Variants in GOLM2 observed in about 807,000 individuals in gnomAD.
GOLM2 encodes the protein golgi membrane protein 2, also known as protein GOLM2.
A neutral mutation model predicts 55.9 loss-of-function variants in GOLM2; 26 were observed. The ratio of observed to expected loss-of-function variants is 0.47; its 90% confidence interval spans 0.34 to 0.65. The LOEUF is 0.65. Ranked by LOEUF, GOLM2 falls within the 30% of genes least tolerant of loss-of-function variation. The pLI is 0.01. For missense variants in GOLM2, 486 were observed against 531.8 expected, an observed-to-expected ratio of 0.91 and a Z score of 0.85; for synonymous variants, 165 against 194.6, an observed-to-expected ratio of 0.85 and a Z score of 1.27.
chr15:44,397,418 G>A (rs1416751878), intron 8 of GOLM2, among the ~76,000 whole-genome samples: 1 of 145,556 alleles, frequency 6.9e-6, no homozygotes, highest in Non-Finnish European at 1.5e-5. Context: ...GGCGGAGCTT[G>A]CAGTGAGCTG....
chr15:44,356,879 A>G (rs1166470031), intron 6 of GOLM2, among the ~76,000 whole-genome samples: 1 of 152,170 alleles, frequency 6.6e-6, no homozygotes, highest in East Asian at 1.9e-4. Context: ...CAATGTATAC[A>G]AGAATTATAG....
chr15:44,392,241 A>T (rs1421815809), intron 8 of GOLM2, among the ~76,000 whole-genome samples: 2 of 152,186 alleles, frequency 1.3e-5, no homozygotes, highest in Non-Finnish European at 2.9e-5. Context: ...AACCCATTTT[A>T]TGAGACCAGC....
Position 44,404,545 on chromosome 15 carries a change from C to T in GOLM2, c.1240+1491C>T, listed in dbSNP as rs1202381851. Among the ~76,000 whole-genome samples the T allele has an allele frequency of 4.0e-5, 6 of 151,894 alleles. No individual in the cohort carries two copies. In the South Asian group the frequency reaches 1.2e-3, roughly 32 times the overall value. On this transcript the variant is annotated intron_variant, in intron 9 of 9. Coordinates refer to ENST00000299957, the MANE Select transcript of GOLM2 (RefSeq NM_138423.4). The stretch of plus-strand genomic sequence containing the variant: ...TATGTACTTTTTCTATAATCTCATC[C>T]TTTTTTCATAAATTTTATCATTTTT...
intron 6 of GOLM2, among the ~76,000 whole-genome samples, chr15:44,356,005 G>A (rs1692937325): frequency 6.6e-6 from 1 of 152,062 alleles, no homozygotes; most frequent in Admixed American, 6.5e-5. Context: ...GAAATCTCAG[G>A]AGAAATTTAA....
chr15:44,295,447 C>A (rs1160167780), intron 1 of GOLM2, among the ~76,000 whole-genome samples: 1 of 152,180 alleles, frequency 6.6e-6, no homozygotes, highest in Non-Finnish European at 1.5e-5. Flanking sequence ...GAGAAACAAC[C>A]CCCACTTCTC....
rs770344326 is a variant in GOLM2 at position 44,403,131 on chromosome 15, T to A, written c.1240+77T>A. ...TTTTTGGTTGAATTTGTGTAGAATT[T>A]CCCCCACTTATTAGTGGCAGTGTAA... On this transcript the variant is annotated intron_variant, in intron 9 of 9. Transcript: ENST00000299957. 11 of 1,548,252 alleles carry A rather than the reference T, an allele frequency of 7.1e-6. No individual in the cohort carries two copies. The East Asian group carries it at 2.5e-4, about 35-fold the overall frequency.
intron 6 of GOLM2, among the ~76,000 whole-genome samples, chr15:44,366,188 T>G (rs1453919766): frequency 1.3e-5 from 2 of 151,474 alleles, no homozygotes; most frequent in African/African-American, 4.9e-5. Context: ...TCCCAGCTAC[T>G]TGGGAGACTG....
rs553292738 is a variant in GOLM2 at position 44,330,064 on chromosome 15, C to G, written c.485+1277C>G. 1.9e-3 allele frequency among the ~76,000 whole-genome samples: 288 copies of G among 151,200 alleles called. 1 individual carries two copies. Among genetic ancestry groups the G allele is most frequent in the African/African-American group, 6.7e-3 (279 of 41,348 alleles). ...TAGCTGGGACCACAGGTGCCCGCCA[C>G]CACGCCCGGCTAATTTTTTGTATTT... is the stretch of plus-strand genomic sequence containing the variant. On this transcript the variant is annotated intron_variant, in intron 3 of 9. Coordinates refer to ENST00000299957, the MANE Select transcript of GOLM2 (RefSeq NM_138423.4).
intron 1 of GOLM2, among the ~76,000 whole-genome samples, chr15:44,320,652 G>A (rs1238639656): frequency 6.6e-6 from 1 of 152,026 alleles, no homozygotes; most frequent in East Asian, 1.9e-4. Flanking sequence ...AGGACTCGGG[G>A]GGGTGAAAAA....
chr15:44,288,741 T>G lies in GOLM2; in HGVS notation c.-289T>G. 27 of 416,928 alleles carry G rather than the reference T, an allele frequency of 6.5e-5. No individual in the cohort carries two copies. Among genetic ancestry groups the G allele is most frequent in the Admixed American group, 8.5e-5 (2 of 23,464 alleles). 25.8% of individuals were successfully genotyped at this position (416,928 alleles called of 1,614,324 possible). A position where few individuals can be genotyped will look rare whatever the true frequency, so the allele number is the denominator to read the frequency against. ...TTCCCCGCCTCCCAACCGTGAGGTG[T>G]TGGGTTTGGGGGACGCTGGCAGCTG... On this transcript the variant is annotated 5_prime_UTR_variant, in exon 1 of 10. Coordinates refer to ENST00000299957, the MANE Select transcript of GOLM2 (RefSeq NM_138423.4).
chr15:44,290,160 A>G (rs2078710448), intron 1 of GOLM2, among the ~76,000 whole-genome samples: 1 of 152,230 alleles, frequency 6.6e-6, no homozygotes, highest in African/African-American at 2.4e-5. Context: ...TTTAAATATA[A>G]AAAGTTTAAA....
intron 6 of GOLM2, among the ~76,000 whole-genome samples, chr15:44,350,527 G>A (rs1363379670): frequency 1.3e-5 from 2 of 152,102 alleles, no homozygotes; most frequent in African/African-American, 4.8e-5. Flanking sequence ...CTTCACTGTT[G>A]AACTCTACCA....
chr15:44,315,185 T>G (rs2078901119), intron 1 of GOLM2, among the ~76,000 whole-genome samples: 1 of 152,222 alleles, frequency 6.6e-6, no homozygotes, highest in South Asian at 2.1e-4. Context: ...TTGGCAGTTA[T>G]GTTACAGAAG....
intron 6 of GOLM2, among the ~76,000 whole-genome samples, chr15:44,343,326 A>T (rs1158316884): frequency 6.6e-6 from 1 of 151,978 alleles, no homozygotes; most frequent in Non-Finnish European, 1.5e-5. Flanking sequence ...GAAAAAAAAA[A>T]AAAAACCAAC....
intron 6 of GOLM2, among the ~76,000 whole-genome samples, chr15:44,372,889 G>A (rs1374172624): frequency 6.6e-6 from 1 of 151,792 alleles, no homozygotes; most frequent in African/African-American, 2.4e-5. Context: ...GTACTTGCTC[G>A]TCTTTGTTTG....
intron 8 of GOLM2, among the ~76,000 whole-genome samples, chr15:44,401,063 A>AT (rs982592343): frequency 2.0e-5 from 3 of 151,826 alleles, no homozygotes; most frequent in Non-Finnish European, 2.9e-5. Context: ...GAAGCTGTTT[A>AT]TTTTTTTTCC....
At chr15:44,325,881 T>C (rs1567025859) in intron 2 of GOLM2, among the ~76,000 whole-genome samples, 2 of 152,176 alleles carry the variant, frequency 1.3e-5, no homozygotes, top group South Asian at 2.1e-4. Context: ...GGGTTTTTTA[T>C]GGCTACCTGG....
chr15:44,316,423 T>C (rs1038532421), intron 1 of GOLM2, among the ~76,000 whole-genome samples: 2 of 152,094 alleles, frequency 1.3e-5, no homozygotes, highest in Admixed American at 6.5e-5. Context: ...GGTGGAGATA[T>C]TAAATGAAGG....
chr15:44,339,333 A>T lies in GOLM2; in HGVS notation c.802+1016A>T, dbSNP rs189261021. Among the ~76,000 whole-genome samples the T allele has an allele frequency of 1.3e-3, 204 of 152,240 alleles. 1 individual carries two copies. The highest frequency in any genetic ancestry group is 4.7e-3 in the African/African-American group (195 of 41,550). ...CAATGAAGTAATCCAGTGATTTTTT[A>T]AAATTAATTAATTAATTAATTTTGA... On this transcript the variant is annotated intron_variant, in intron 6 of 9. Coordinates refer to ENST00000299957, the MANE Select transcript of GOLM2 (RefSeq NM_138423.4).
Sources: allele counts gnomAD v4.1 joint callset (sites outside exome capture counted in the v4.1 genomes callset), GRCh38; gene constraint gnomAD v4.1.1; transcripts MANE v1.5; gene names NCBI Gene and HGNC (gene_info 2026-07-23, HGNC 2026-07-21).